Variants in NTSR1 observed in about 807,000 individuals in gnomAD.
NTSR1 encodes neurotensin receptor 1, also known as neurotensin receptor type 1.
A neutral mutation model predicts 31.2 loss-of-function variants in NTSR1; 29 were observed. That is an observed-to-expected ratio of 0.93 (90% CI 0.69 to 1.27). The LOEUF (loss-of-function observed/expected upper bound fraction) is 1.27. Ranked by LOEUF, NTSR1 falls within the 50% of genes most tolerant of loss-of-function variation. NTSR1 has a pLI of 0.00. For missense variants in NTSR1, 697 were observed against 595.4 expected (o/e 1.17, Z -1.78); for synonymous variants, 282 against 269.9 (o/e 1.04, Z -0.44).
Position 62,745,298 on chromosome 20 carries a change from T to C in NTSR1, c.715-9387T>C, listed in dbSNP as rs1989280520. On this transcript the variant is annotated intron_variant, in intron 1 of 3. Transcript: ENST00000370501. This position sits in a 1 kb window ranked among gnomAD's most constrained non-coding sequence, Gnocchi z 4.1. ...ACACAGAGACAGAGAAACAGACACA[T>C]AGAGGAAAACAGACACAGGGAGACA... Among the ~76,000 whole-genome samples, 1 of 143,482 alleles carries C rather than the reference T, an allele frequency of 7.0e-6. No homozygotes were observed. The highest frequency in any genetic ancestry group is 2.3e-4 in the South Asian group (1 of 4,414). 94.1% of individuals were successfully genotyped at this position (143,482 alleles called of 152,430 possible). A position where few individuals can be genotyped will look rare whatever the true frequency, so the allele number is the denominator to read the frequency against.
Position 62,709,724 on chromosome 20 carries a change from C to A in NTSR1, c.517C>A (p.Pro173Thr). The A allele has an allele frequency of 4.3e-6, 7 of 1,612,954 alleles. No individual in the cohort carries two copies. The highest frequency in any genetic ancestry group is 5.9e-6 in the Non-Finnish European group (7 of 1,179,908). The change falls in exon 1 of 4, where the codon CCC (proline) becomes ACC (threonine). Residue 173 changes from proline (P) to threonine (T), a missense_variant. By Grantham distance (38) the Pro-to-Thr change is conservative (BLOSUM62 -1). Transcript: ENST00000370501. Reference sequence around the variant, plus strand: ...GGAGCGCTACCTGGCCATCTGCCACCCCTTCAAGGCCAAGACCCTCATGTC... The same window carrying A: ...GGAGCGCTACCTGGCCATCTGCCACACCTTCAAGGCCAAGACCCTCATGTC... ...SVERYLAICH[P>T]FKAKTLMSRS...
rs868476359 is a variant in NTSR1 at position 62,709,851 on chromosome 20, A to G, written c.644A>G (p.Asp215Gly). 6.2e-6 allele frequency: 10 copies of G among 1,608,594 alleles called. No individual in the cohort carries two copies. In the Middle Eastern group the frequency reaches 9.9e-4, roughly 160 times the overall value. The change falls in exon 1 of 4, where the codon GAC becomes GGC. Residue 215 changes from aspartate (D) to glycine (G), a missense_variant. Transcript: ENST00000370501. The part of the protein sequence containing the change: ...FTMGEQNRSA[D>G]GQHAGGLVCT... ...ATGGGCGAGCAGAACCGCAGCGCCGACGGCCAGCACGCCGGCGGCCTGGTG... is the reference window on the plus strand; with the variant it reads ...ATGGGCGAGCAGAACCGCAGCGCCGGCGGCCAGCACGCCGGCGGCCTGGTG...
intron 1 of NTSR1, among the ~76,000 whole-genome samples, chr20:62,713,534 G>A (rs1988657362): frequency 6.6e-6 from 1 of 152,198 alleles, no homozygotes; most frequent in African/African-American, 2.4e-5. Flanking sequence ...CTCCTGTCCC[G>A]TGCCCCAGGC....
chr20:62,744,738 A>G lies in NTSR1; in HGVS notation c.715-9947A>G, dbSNP rs560155028. Among the ~76,000 whole-genome samples, 2 of 152,034 alleles carry G rather than the reference A, an allele frequency of 1.3e-5. No homozygotes were observed. Among genetic ancestry groups the G allele is most frequent in the African/African-American group, 2.4e-5 (1 of 41,480 alleles). On this transcript the variant is annotated intron_variant, in intron 1 of 3. Coordinates refer to ENST00000370501, the MANE Select transcript of NTSR1 (RefSeq NM_002531.3). This position sits in a 1 kb window ranked among gnomAD's most constrained non-coding sequence, Gnocchi z 4.1. The stretch of plus-strand genomic sequence containing the variant: ...GCAAAGCTCAGTCTCACAAAAAAAA[A>G]AGAGAGAAATGAGCCTGAGGCCCAG...
chr20:62,746,645 A>G (rs559365590), intron 1 of NTSR1, among the ~76,000 whole-genome samples: 1 of 152,360 alleles, frequency 6.6e-6, no homozygotes, highest in East Asian at 1.9e-4. Flanking sequence ...ACAATTTTAT[A>G]CAAACCAGCT....
chr20:62,746,836 A>G (rs768467374), intron 1 of NTSR1, among the ~76,000 whole-genome samples: 7 of 152,256 alleles, frequency 4.6e-5, no homozygotes, highest in Non-Finnish European at 8.8e-5. Flanking sequence ...GGATGCTACA[A>G]ACATTTAAAG....
chr20:62,754,272 G>A (rs1245261347), intron 1 of NTSR1, among the ~76,000 whole-genome samples: 1 of 152,210 alleles, frequency 6.6e-6, no homozygotes, highest in Non-Finnish European at 1.5e-5. Flanking sequence ...CACAGGACGG[G>A]CCTTGGGGTG....
chr20:62,752,672 G>A (rs993691254), intron 1 of NTSR1, among the ~76,000 whole-genome samples: 32 of 152,298 alleles, frequency 2.1e-4, no homozygotes, highest in South Asian at 6.2e-4. Context: ...TAAATGTTTT[G>A]ACATTTAAAA....
At chr20:62,728,464 C>G (rs1988947869) in intron 1 of NTSR1, among the ~76,000 whole-genome samples, 1 of 152,174 alleles carries the variant, frequency 6.6e-6, no homozygotes, top group African/African-American at 2.4e-5. Context: ...CCGTTTCCAG[C>G]ACCAGCTTCA....
At chr20:62,710,483 G>A (rs759338979) in intron 1 of NTSR1, among the ~76,000 whole-genome samples, 8 of 152,206 alleles carry the variant, frequency 5.3e-5, no homozygotes, top group Non-Finnish European at 8.8e-5. Flanking sequence ...GAGAGGACGC[G>A]TGGGAAGTGT....
At position 62,714,606 on chromosome 20, in the gene NTSR1, T is replaced by A. The variant is rs1988678459; in HGVS notation, c.714+4685T>A. 6.6e-6 allele frequency among the ~76,000 whole-genome samples: 1 copy of A among 152,122 alleles called. No individual in the cohort carries two copies. Among genetic ancestry groups the A allele is most frequent in the Non-Finnish European group, 1.5e-5 (1 of 68,030 alleles). ...GCATCCTTGGAGCAAAGCCATTGAATCTGAATCTCATGGAGCCCCTGATCC... is the reference window on the plus strand; with the variant it reads ...GCATCCTTGGAGCAAAGCCATTGAAACTGAATCTCATGGAGCCCCTGATCC... On this transcript the variant is annotated intron_variant, in intron 1 of 3. Transcript: ENST00000370501. The surrounding 1 kb of genome is among the most constrained non-coding windows in gnomAD (Gnocchi z 4.1).
At chr20:62,713,548 G>A (rs1342468906) in intron 1 of NTSR1, among the ~76,000 whole-genome samples, 4 of 152,212 alleles carry the variant, frequency 2.6e-5, no homozygotes, top group Non-Finnish European at 5.9e-5. Context: ...CCCAGGCTGT[G>A]CCCAGCAACC....
At chr20:62,721,843 GATCC>G (rs1044685427) in intron 1 of NTSR1, among the ~76,000 whole-genome samples, 1 of 152,138 alleles carries the variant, frequency 6.6e-6, no homozygotes, top group African/African-American at 2.4e-5. Context: ...GACTTCTTTA[GATCC>G]ACTTCTCTGT....
chr20:62,735,149 T>C (rs111351490), intron 1 of NTSR1: 22,493 of 152,746 alleles, frequency 0.15, 2,778 homozygotes, highest in African/African-American at 0.32. Context: ...CTCCCTCCTC[T>C]GCCCCGCCTG....
At chr20:62,729,619 G>A (rs1026211636) in intron 1 of NTSR1, among the ~76,000 whole-genome samples, 1 of 143,240 alleles carries the variant, frequency 7.0e-6, no homozygotes, top group African/African-American at 2.6e-5. Flanking sequence ...GGGGCTAGGG[G>A]TTTCTAATTT....
At chr20:62,750,148 G>T (rs1392524720) in intron 1 of NTSR1, among the ~76,000 whole-genome samples, 1 of 152,204 alleles carries the variant, frequency 6.6e-6, no homozygotes, top group Non-Finnish European at 1.5e-5. Context: ...GTCATTTGCG[G>T]TAGCCGCAAC....
chr20:62,731,803 T>G (rs912036955), intron 1 of NTSR1, among the ~76,000 whole-genome samples: 2 of 152,210 alleles, frequency 1.3e-5, no homozygotes, highest in Non-Finnish European at 2.9e-5. Flanking sequence ...CATTGGAATA[T>G]TTGTCTGTTC....
chr20:62,718,574 G>A (rs193194045), intron 1 of NTSR1, among the ~76,000 whole-genome samples: 1 of 75,572 alleles, frequency 1.3e-5, no homozygotes, highest in Non-Finnish European at 2.5e-5. Flanking sequence ...CCACTGGTCC[G>A]CTCTCCTCCC....
chr20:62,735,713 G>A (rs1227254255), intron 1 of NTSR1, among the ~76,000 whole-genome samples: 3 of 152,174 alleles, frequency 2.0e-5, no homozygotes, highest in Non-Finnish European at 2.9e-5. Context: ...GAGTCCCCCC[G>A]ACACGGCGAG....
Sources: gnomAD v4.1 joint callset for allele counts (sites outside exome capture counted in the v4.1 genomes callset) on GRCh38, gnomAD v4.1.1 for gene constraint, Gnocchi (gnomAD v3.1) non-coding constraint, MANE v1.5 for transcripts, NCBI Gene and HGNC (gene_info 2026-07-23, HGNC 2026-07-21) for gene names.